Variants in RBMS3 observed in about 807,000 individuals in gnomAD.
The protein encoded by RBMS3 is RNA binding motif single stranded interacting protein 3, also known as RNA-binding motif, single-stranded-interacting protein 3.
Under a neutral mutation model 66.8 loss-of-function variants are expected in RBMS3, and 27 were observed. That is an observed-to-expected ratio of 0.40 (90% CI 0.30 to 0.56). The LOEUF (loss-of-function observed/expected upper bound fraction) is 0.56. RBMS3 is among the 20% of genes least tolerant of loss of function. The pLI is 0.40. For missense variants in RBMS3, 513 were observed against 549.5 expected (o/e 0.93, Z 0.66); for synonymous variants, 188 against 183.0 (o/e 1.03, Z -0.22).
chr3:29,904,757 G>T (rs888622835), intron 10 of RBMS3, among the ~76,000 whole-genome samples: 1 of 152,110 alleles, frequency 6.6e-6, no homozygotes, highest in Middle Eastern at 3.4e-3. Flanking sequence ...TGTGGTAAAT[G>T]TCTCACTCAT....
At chr3:30,000,083 A>C (rs1314832868) in intron 14 of RBMS3, among the ~76,000 whole-genome samples, 1 of 152,146 alleles carries the variant, frequency 6.6e-6, no homozygotes, top group African/African-American at 2.4e-5. Context: ...ACAGCAAAAG[A>C]AACTATCATC....
At chr3:29,919,370 C>A (rs187559243) in intron 10 of RBMS3, among the ~76,000 whole-genome samples, 1 of 152,112 alleles carries the variant, frequency 6.6e-6, no homozygotes, top group Non-Finnish European at 1.5e-5. Context: ...AAAAGAATTT[C>A]TCATAAAAGA....
At chr3:29,321,781 G>A (rs978132114) in intron 1 of RBMS3, among the ~76,000 whole-genome samples, 2 of 152,096 alleles carry the variant, frequency 1.3e-5, no homozygotes, top group Non-Finnish European at 2.9e-5. Context: ...AAGCCACCAA[G>A]CTGGCTGGAG....
intron 1 of RBMS3, among the ~76,000 whole-genome samples, chr3:29,331,502 A>G (rs528834057): frequency 5.3e-5 from 8 of 151,946 alleles, no homozygotes; most frequent in Non-Finnish European, 1.0e-4. Context: ...TTTCCCCATG[A>G]TTTCCTTCCC....
intron 5 of RBMS3, among the ~76,000 whole-genome samples, chr3:29,757,477 GTC>G (rs2055472675): frequency 6.6e-6 from 1 of 152,110 alleles, no homozygotes; most frequent in African/African-American, 2.4e-5. Context: ...ATGGTTTCTA[GTC>G]TCTCATACCT....
intron 3 of RBMS3, among the ~76,000 whole-genome samples, chr3:29,583,027 T>TC (rs1290820364): frequency 6.6e-6 from 1 of 152,118 alleles, no homozygotes; most frequent in African/African-American, 2.4e-5. Context: ...GAAGCCTTTA[T>TC]CCCCCTTGGC....
intron 3 of RBMS3, among the ~76,000 whole-genome samples, chr3:29,586,135 GAGA>G (rs760431757): frequency 1.3e-5 from 2 of 152,020 alleles, no homozygotes; most frequent in African/African-American, 2.4e-5. Flanking sequence ...CCTGACAGAT[GAGA>G]AGAAGTATAG....
At chr3:29,738,707 C>T (rs1447361387) in intron 4 of RBMS3, among the ~76,000 whole-genome samples, 1 of 152,168 alleles carries the variant, frequency 6.6e-6, no homozygotes, top group East Asian at 1.9e-4. Context: ...TCTTGGCCCA[C>T]TCTCAGATTC....
intron 10 of RBMS3, among the ~76,000 whole-genome samples, chr3:29,917,972 T>C (rs1001253739): frequency 6.6e-6 from 1 of 152,108 alleles, no homozygotes; most frequent in African/African-American, 2.4e-5. Context: ...TTATATAATA[T>C]TGTATATACT....
intron 10 of RBMS3, among the ~76,000 whole-genome samples, chr3:29,935,423 G>T (rs1302193369): frequency 6.6e-6 from 1 of 152,056 alleles, no homozygotes; most frequent in Non-Finnish European, 1.5e-5. Flanking sequence ...ATTGTGGATG[G>T]ACATAAAAAT....
At chr3:29,869,770 T>G (rs1488988436) in intron 7 of RBMS3, among the ~76,000 whole-genome samples, 1 of 152,130 alleles carries the variant, frequency 6.6e-6, no homozygotes, top group Non-Finnish European at 1.5e-5. Context: ...CTTGAAAAAA[T>G]GCTATTTTGT....
Position 29,963,204 on chromosome 3 carries a change from A to G in RBMS3, c.1098+18950A>G, listed in dbSNP as rs1300962264. ...GAACATATTTAAACATCATTTCCCA[A>G]ACATTCCCTAGAGTAAGAGATCTGA... On this transcript the variant is annotated intron_variant, in intron 12 of 14. Transcript: ENST00000383767. Among the ~76,000 whole-genome samples, 7 of 152,204 alleles carry G rather than the reference A, an allele frequency of 4.6e-5. No homozygotes were observed. The East Asian group carries it at 5.8e-4, about 13-fold the overall frequency.
intron 1 of RBMS3, among the ~76,000 whole-genome samples, chr3:29,430,333 C>T (rs191620608): frequency 4.0e-5 from 6 of 151,870 alleles, no homozygotes; most frequent in African/African-American, 9.7e-5. Flanking sequence ...CTAGAATTTA[C>T]GAACAAGGAT....
chr3:29,504,611 T>C (rs557565843), intron 3 of RBMS3, among the ~76,000 whole-genome samples: 1 of 152,208 alleles, frequency 6.6e-6, no homozygotes, highest in South Asian at 2.1e-4. Flanking sequence ...GTGTACCCAG[T>C]AGTGGGATTG....
chr3:29,793,566 T>G (rs543394145), intron 6 of RBMS3, among the ~76,000 whole-genome samples: 95 of 152,336 alleles, frequency 6.2e-4, no homozygotes, highest in Admixed American at 4.1e-3. Flanking sequence ...ATTTAAGAAA[T>G]GTATTCTATT....
intron 10 of RBMS3, among the ~76,000 whole-genome samples, chr3:29,911,340 C>T (rs2060508701): frequency 6.6e-6 from 1 of 152,040 alleles, no homozygotes; most frequent in African/African-American, 2.4e-5. Flanking sequence ...GCCTCTAACA[C>T]TGGGGCATAT....
intron 1 of RBMS3, among the ~76,000 whole-genome samples, chr3:29,367,448 A>T (rs1325394960): frequency 6.6e-6 from 1 of 152,094 alleles, no homozygotes; most frequent in Non-Finnish European, 1.5e-5. Flanking sequence ...TGTTGAAAGG[A>T]AATGTGCCAA....
At chr3:29,697,158 G>A (rs1262830036) in intron 4 of RBMS3, 5 of 954,422 alleles carry the variant, frequency 5.2e-6, no homozygotes, top group African/African-American at 1.8e-5. Context: ...ATGGATCTAA[G>A]TTTGGGAAAA....
At chr3:29,809,338 G>A (rs2371831) in intron 6 of RBMS3, among the ~76,000 whole-genome samples, 75,083 of 146,258 alleles carry the variant, frequency 0.51, 19,773 homozygotes, top group African/African-American at 0.59. Flanking sequence ...TGATCAGTGG[G>A]AAAAAAAAAA....
Sources: allele counts gnomAD v4.1 joint callset (sites outside exome capture counted in the v4.1 genomes callset), GRCh38; gene constraint gnomAD v4.1.1; transcripts MANE v1.5; gene names NCBI Gene and HGNC (gene_info 2026-07-23, HGNC 2026-07-21).